The following ING5 variants were observed in gnomAD, a reference collection of about 807,000 sequenced individuals.
ING5 encodes the protein inhibitor of growth family member 5.
A neutral mutation model predicts 37.4 loss-of-function variants in ING5; 17 were observed. The observed-to-expected ratio is 0.45, with a 90% confidence interval of 0.31 to 0.68. The LOEUF (loss-of-function observed/expected upper bound fraction) is 0.68. ING5 is among the 30% of genes least tolerant of loss of function. The pLI is 0.05. For synonymous variants in ING5, 123 were observed against 116.6 expected, an observed-to-expected ratio of 1.06 and a Z score of -0.36; for missense variants, 233 against 311.9, an observed-to-expected ratio of 0.75 and a Z score of 1.91.
intron 2 of ING5, among the ~76,000 whole-genome samples, chr2:241,696,461 G>A (rs938213088): frequency 1.3e-5 from 2 of 151,972 alleles, no homozygotes; most frequent in African/African-American, 4.8e-5. Flanking sequence ...TAGAAAAATG[G>A]TGAGTCAGTA....
In ING5 at chr2:241,729,147, C is replaced by T. The variant is rs1217685789; in HGVS notation, c.*4116C>T. ...AAATTTTTAGTGAGCAGTGATTGGC[C>T]TTCAATACTTGTGCTGAGAGGAATT... On this transcript the variant is annotated 3_prime_UTR_variant, in exon 8 of 8. Transcript: ENST00000313552. The T allele has an allele frequency of 6.6e-6, 1 of 152,570 alleles. No individual in the cohort carries two copies. The highest frequency in any genetic ancestry group is 6.5e-5 in the Admixed American group (1 of 15,282). 9.5% of individuals were successfully genotyped at this position (152,570 alleles called of 1,614,324 possible).
chr2:241,704,577 A>G (rs2069845711), intron 1 of ING5, 76 bp from the exon 2 acceptor site: 2 of 1,237,426 alleles, frequency 1.6e-6, no homozygotes, highest in Admixed American at 3.4e-5. Context: ...TCAAAAAAAA[A>G]AGACAGAAAA....
chr2:241,688,390 G>A (rs1245844588), intron 1 of ING5, among the ~76,000 whole-genome samples: 1 of 152,180 alleles, frequency 6.6e-6, no homozygotes, highest in Non-Finnish European at 1.5e-5. Flanking sequence ...TTTTCCCCAT[G>A]AGCTCTTGAG....
intron 2 of ING5, among the ~76,000 whole-genome samples, chr2:241,707,131 G>A (rs1228603550): frequency 1.4e-5 from 2 of 146,190 alleles, no homozygotes; most frequent in Non-Finnish European, 3.0e-5. Context: ...AGCTAATTTT[G>A]TATTTTTAAT....
chr2:241,723,249 A>G lies in ING5; in HGVS notation c.658A>G (p.Thr220Ala). 6.2e-7 allele frequency: 1 copy of G among 1,614,242 alleles called. No individual in the cohort carries two copies. The highest frequency in any genetic ancestry group is 8.5e-7 in the Non-Finnish European group (1 of 1,180,044). ...GTTTCACTTTGCCTGCGTGGACCTT[A>G]CCACGAAACCCAAAGGAAAATGGTG... ...EWFHFACVDL[T>A]TKPKGKWFCP... The change falls in exon 7 of 8, where the codon ACC becomes GCC. Residue 220 changes from threonine to alanine, a missense_variant. Around this residue, in one of 4 missense-constraint regions of ING5, gnomAD observed 45 missense variants for 98.2 expected, o/e 0.46. Transcript: ENST00000313552.
chr2:241,721,058 G>T, intron 5 of ING5: 1 of 985,618 alleles, frequency 1.0e-6, no homozygotes, highest in Non-Finnish European at 1.2e-6. Flanking sequence ...ATGTCAGGTC[G>T]GGCTTTGTGG....
chr2:241,696,404 AAAAC>A (rs913878514), intron 2 of ING5, among the ~76,000 whole-genome samples: 2 of 152,088 alleles, frequency 1.3e-5, no homozygotes, highest in African/African-American at 2.4e-5. Context: ...AACAAAAACA[AAAAC>A]AAAAACCCCC....
chr2:241,701,854 C>A (rs1169393856), upstream of ING5, among the ~76,000 whole-genome samples: 30 of 151,948 alleles, frequency 2.0e-4, no homozygotes, highest in Non-Finnish European at 3.2e-4. Flanking sequence ...GGCCCTGGGT[C>A]CTGCTCGCTG....
chr2:241,727,292 T>A lies in ING5; in HGVS notation c.*2261T>A, dbSNP rs548994302. ...TTTTTGTTAGCACAGGTTTTGTGTG[T>A]GTGTGTGTGTGTGTGTTTTGTTTTT... is the stretch of plus-strand genomic sequence containing the variant. On this transcript the variant is annotated 3_prime_UTR_variant, in exon 8 of 8. Transcript: ENST00000313552. 74 of 152,060 alleles carry A rather than the reference T, an allele frequency of 4.9e-4. No homozygotes were observed. Among genetic ancestry groups the A allele is most frequent in the African/African-American group, 1.8e-3 (73 of 41,434 alleles). The allele number at this position is 152,060 out of a possible 1,614,324, so 9.4% of individuals were successfully genotyped here. A position where few individuals can be genotyped will look rare whatever the true frequency, so the allele number is the denominator to read the frequency against.
upstream of ING5, among the ~76,000 whole-genome samples, chr2:241,700,889 G>A (rs1174924739): frequency 2.0e-5 from 3 of 151,520 alleles, no homozygotes; most frequent in Admixed American, 6.6e-5. Flanking sequence ...GCCTCCCAAA[G>A]TGTTGGGATT....
At chr2:241,707,200 C>T (rs963235224) in intron 2 of ING5, among the ~76,000 whole-genome samples, 2 of 152,030 alleles carry the variant, frequency 1.3e-5, no homozygotes, top group African/African-American at 4.8e-5. Context: ...CTCAGGTGAT[C>T]TGCCCGCCTT....
chr2:241,696,733 T>G (rs1318895091), intron 2 of ING5, among the ~76,000 whole-genome samples: 1 of 151,734 alleles, frequency 6.6e-6, no homozygotes, highest in Non-Finnish European at 1.5e-5. Flanking sequence ...GCATGAGCCA[T>G]GATTGTGCCA....
rs778763899 is a variant in ING5 at position 241,723,056 on chromosome 2, T to A, written c.600T>A (p.Ile200=). ...LCHQVSYGEM[I]GCDNPDCPIE... is the part of the protein sequence containing the mutation. ...ACCAGGTCTCCTATGGGGAGATGAT[T>A]GGCTGTGACAATCCAGACGTGAGTG... Residue 200 remains isoleucine, a synonymous_variant, in exon 6 of 8, where the codon ATT becomes ATA. Coordinates refer to ENST00000313552, the MANE Select transcript of ING5 (RefSeq NM_032329.6). 1.2e-6 allele frequency: 2 copies of A among 1,614,222 alleles called. No homozygotes were observed. The highest frequency in any genetic ancestry group is 4.5e-5 in the East Asian group (2 of 44,882).
intron 5 of ING5, among the ~76,000 whole-genome samples, chr2:241,716,798 C>T (rs1328862072): frequency 2.0e-5 from 3 of 152,116 alleles, no homozygotes; most frequent in African/African-American, 7.2e-5. Context: ...CCACTGATGA[C>T]GTGAAACACG....
In ING5 at chr2:241,702,084, T is replaced by C. The variant is rs926359082; in HGVS notation, c.19T>C (p.Leu7=). The change falls in exon 1 of 8, where the codon TTG becomes CTG. Residue 7 remains leucine, a synonymous_variant. Transcript: ENST00000313552. ...GACGAAGATGGCGACCGCCATGTACTTGGAGCACTATCTGGACAGTAAGCG... is the reference window on the plus strand; with the variant it reads ...GACGAAGATGGCGACCGCCATGTACCTGGAGCACTATCTGGACAGTAAGCG... MATAMY[L]EHYLDSIENL... The C allele has an allele frequency of 2.6e-5, 36 of 1,392,548 alleles. No individual in the cohort carries two copies. Among genetic ancestry groups the C allele is most frequent in the Non-Finnish European group, 3.4e-5 (36 of 1,067,134 alleles). The allele number at this position is 1,392,548 out of a possible 1,614,324, so 86.3% of individuals were successfully genotyped here.
intron 7 of ING5, chr2:241,723,674 C>A: frequency 7.8e-7 from 1 of 1,274,148 alleles, no homozygotes; most frequent in Non-Finnish European, 1.1e-6. Context: ...GCCCTGAAGC[C>A]GGGGCATGGA....
rs994476700 is a variant in ING5, at chr2:241,725,088, G to A, written c.*57G>A. 28 of 1,562,046 alleles carry A rather than the reference G, an allele frequency of 1.8e-5. No homozygotes were observed. The highest frequency in any genetic ancestry group is 1.7e-4 in the Middle Eastern group (1 of 6,004). ...GTTAATCTGTCCCTTCATTCGTGTC[G>A]CAATATTTCCCTTCCTTTTAAAACT... is the stretch of plus-strand genomic sequence containing the variant. On this transcript the variant is annotated 3_prime_UTR_variant, in exon 8 of 8. Coordinates refer to ENST00000313552, the MANE Select transcript of ING5 (RefSeq NM_032329.6).
At chr2:241,708,949 G>A (rs1051252634) in intron 2 of ING5, 6 of 314,370 alleles carry the variant, frequency 1.9e-5, no homozygotes, top group South Asian at 9.9e-5. Flanking sequence ...TTTGAGAGTC[G>A]AAGAAGGCAC....
chr2:241,696,158 G>A (rs184238399), intron 2 of ING5, among the ~76,000 whole-genome samples: 2 of 152,274 alleles, frequency 1.3e-5, no homozygotes, highest in Non-Finnish European at 2.9e-5. Context: ...TTGGAAGGCC[G>A]AGGCGGGCAG....
Sources: gnomAD v4.1 joint callset for allele counts (sites outside exome capture counted in the v4.1 genomes callset) on GRCh38, gnomAD v4.1.1 for gene constraint, gnomAD v4.1.1 regional missense constraint, MANE v1.5 for transcripts, NCBI Gene and HGNC (gene_info 2026-07-23, HGNC 2026-07-21) for gene names.